NCALD: variants seen among roughly 807,000 people sequenced by gnomAD.
The protein encoded by NCALD is neurocalcin-delta.
Under a neutral mutation model 18.6 loss-of-function variants are expected in NCALD, and 10 were observed. That is an observed-to-expected ratio of 0.54 (90% CI 0.33 to 0.91). NCALD has a LOEUF of 0.91. Among genes scored for constraint, NCALD ranks in the 40% least tolerant of loss-of-function variants. The pLI, the probability that NCALD is intolerant of heterozygous loss-of-function variation, is 0.03. For missense variants in NCALD, 184 were observed against 247.6 expected (o/e 0.74, Z 1.72); for synonymous variants, 88 against 87.4 (o/e 1.01, Z -0.04).
intron 2 of NCALD, among the ~76,000 whole-genome samples, chr8:101,994,952 T>C (rs1004487270): frequency 6.6e-6 from 1 of 152,248 alleles, no homozygotes; most frequent in African/African-American, 2.4e-5. Flanking sequence ...CTTTGTAGGA[T>C]TGCTGAGGAT....
Position 101,801,097 on chromosome 8 carries a change from A to T in NCALD, c.-19-81449T>A, listed in dbSNP as rs1247849448. Among the ~76,000 whole-genome samples the T allele has an allele frequency of 4.0e-5, 6 of 150,360 alleles. No individual in the cohort carries two copies. The South Asian group carries it at 1.0e-3, about 26-fold the overall frequency. On this transcript the variant is annotated intron_variant, in intron 4 of 6. Coordinates refer to the NCALD transcript ENST00000311028. ...GGGAAAGAAAGAGGAAGGAAGGAGGAAAAAGAAAGAGAAAGAAACAAAGAA... is the reference window on the plus strand; with the variant it reads ...GGGAAAGAAAGAGGAAGGAAGGAGGTAAAAGAAAGAGAAAGAAACAAAGAA...
intron 1 of NCALD, chr8:102,029,048 A>C (rs1822567652): frequency 6.6e-6 from 1 of 152,250 alleles, no homozygotes; most frequent in African/African-American, 2.4e-5. Context: ...TGAAGGAATC[A>C]GGAAGGACTT....
At chr8:102,081,036 G>A (rs1007238662) in intron 1 of NCALD, among the ~76,000 whole-genome samples, 1 of 152,104 alleles carries the variant, frequency 6.6e-6, no homozygotes, top group East Asian at 1.9e-4. Flanking sequence ...TAAATGTTCC[G>A]ATTCATGGAC....
rs557806884 is a variant in NCALD at position 101,723,484 on chromosome 8, TAC to T, written c.-19-3838_-19-3837del. Among the ~76,000 whole-genome samples the T allele has an allele frequency of 1.2e-4, 19 of 152,318 alleles. No individual in the cohort carries two copies. The South Asian group carries it at 3.7e-3, about 30-fold the overall frequency. On this transcript the variant is annotated intron_variant, in intron 1 of 3. Transcript: ENST00000220931. ...TTTTCTAAAGTTCCTATGAAGAACT[TAC>T]ACTCTCCTATACTATCAATCCATTC...
intron 2 of NCALD, among the ~76,000 whole-genome samples, chr8:101,718,040 G>A (rs1384183319): frequency 6.6e-6 from 1 of 152,104 alleles, no homozygotes; most frequent in Admixed American, 6.5e-5. Context: ...TAATCATCAG[G>A]ACTTAGCACT....
At chr8:101,698,022 A>G (rs1340749601) in intron 2 of NCALD, among the ~76,000 whole-genome samples, 1 of 152,204 alleles carries the variant, frequency 6.6e-6, no homozygotes, top group Non-Finnish European at 1.5e-5. Flanking sequence ...ACATGATTCT[A>G]TATTTAGAAA....
intron 1 of NCALD, among the ~76,000 whole-genome samples, chr8:101,760,641 A>G (rs1018514716): frequency 3.3e-5 from 5 of 152,332 alleles, no homozygotes; most frequent in Middle Eastern, 3.4e-3. Context: ...TCAAGTCCAT[A>G]CAGCAACTCA....
intron 3 of NCALD, among the ~76,000 whole-genome samples, chr8:101,915,263 C>A (rs1437415670): frequency 2.0e-5 from 3 of 152,196 alleles, no homozygotes; most frequent in Admixed American, 2.0e-4. Flanking sequence ...AGATTTGGAG[C>A]TAACTCCTAC....
At chr8:101,999,148 T>A (rs867607597) in intron 2 of NCALD, among the ~76,000 whole-genome samples, 24 of 149,640 alleles carry the variant, frequency 1.6e-4, no homozygotes, top group South Asian at 2.1e-4. Context: ...GTCCCATGGA[T>A]GCTTGAATAA....
intron 1 of NCALD, among the ~76,000 whole-genome samples, chr8:101,759,334 C>G (rs1017511739): frequency 6.6e-6 from 1 of 151,144 alleles, no homozygotes; most frequent in Non-Finnish European, 1.5e-5. Flanking sequence ...TCAGTGTCTT[C>G]GAAGACAAAG....
In NCALD at chr8:101,891,018, T is replaced by C. The variant is rs184819358; in HGVS notation, c.-106-3791A>G. ...ATAGCTTGGGTACACCTTAGAAACA[T>C]AATGAATGAAAGAAAGCAAGTAACA... On this transcript the variant is annotated intron_variant, in intron 3 of 6. Transcript: ENST00000311028. Among the ~76,000 whole-genome samples the C allele has an allele frequency of 3.3e-5, 5 of 152,256 alleles. No homozygotes were observed. The East Asian group carries it at 7.7e-4, about 24-fold the overall frequency.
intron 2 of NCALD, among the ~76,000 whole-genome samples, chr8:101,970,792 G>A (rs1393723521): frequency 1.3e-5 from 2 of 152,124 alleles, no homozygotes; most frequent in African/African-American, 4.8e-5. Flanking sequence ...CCCTTGAGGT[G>A]TCCTAAAGAT....
chr8:101,726,648 C>G (rs778225618), intron 1 of NCALD, among the ~76,000 whole-genome samples: 1 of 151,920 alleles, frequency 6.6e-6, no homozygotes, highest in African/African-American at 2.4e-5. Flanking sequence ...ACGTGTTAAC[C>G]CTGAGATGCC....
intron 1 of NCALD, among the ~76,000 whole-genome samples, chr8:102,084,829 G>A (rs1238372823): frequency 6.6e-6 from 1 of 152,184 alleles, no homozygotes; most frequent in Non-Finnish European, 1.5e-5. Context: ...CCCTGGTGCT[G>A]CCTGCAACCA....
At chr8:101,796,791 T>C (rs1017847831) in intron 4 of NCALD, among the ~76,000 whole-genome samples, 2 of 152,082 alleles carry the variant, frequency 1.3e-5, no homozygotes, top group Non-Finnish European at 2.9e-5. Flanking sequence ...AAAGACACCG[T>C]GAAAGGAAAA....
upstream of NCALD, among the ~76,000 whole-genome samples, chr8:101,792,081 G>A (rs1400062979): frequency 6.6e-6 from 1 of 152,040 alleles, no homozygotes; most frequent in East Asian, 1.9e-4. Context: ...CCAAACAAAG[G>A]ACAAGGAGTT....
At chr8:101,874,535 C>A (rs1340434436) in intron 4 of NCALD, among the ~76,000 whole-genome samples, 1 of 151,466 alleles carries the variant, frequency 6.6e-6, no homozygotes, top group Non-Finnish European at 1.5e-5. Context: ...TTTTCTTAAT[C>A]AAAAAAAAAT....
intron 2 of NCALD, among the ~76,000 whole-genome samples, chr8:101,933,402 C>T (rs1818647763): frequency 1.3e-5 from 2 of 152,204 alleles, no homozygotes; most frequent in South Asian, 4.1e-4. Context: ...CCTCTAGAAG[C>T]TGACAAAGGC....
chr8:101,748,652 A>T (rs373097141), intron 1 of NCALD, among the ~76,000 whole-genome samples: 1 of 152,288 alleles, frequency 6.6e-6, no homozygotes, highest in East Asian at 1.9e-4. Context: ...TCATAACAAC[A>T]CTCTGAAGAT....
Sources: gnomAD v4.1 joint callset for allele counts (sites outside exome capture counted in the v4.1 genomes callset) on GRCh38, gnomAD v4.1.1 for gene constraint, MANE v1.5 for transcripts, NCBI Gene and HGNC (gene_info 2026-07-23, HGNC 2026-07-21) for gene names.